Variants in TCF12 observed in about 807,000 individuals in gnomAD.
TCF12 encodes the protein transcription factor 12.
A neutral mutation model predicts 86.0 loss-of-function variants in TCF12; 45 were observed. The ratio of observed to expected loss-of-function variants is 0.52; its 90% CI spans 0.41 to 0.67. TCF12 has a LOEUF of 0.67. Among genes scored for constraint, TCF12 ranks in the 30% least tolerant of loss-of-function variants. TCF12 has a pLI of 0.00. For missense variants in TCF12, 881 were observed against 859.9 expected, an observed-to-expected ratio of 1.02 and a Z score of -0.31; for synonymous variants, 330 against 299.6, an observed-to-expected ratio of 1.10 and a Z score of -1.05.
chr15:57,147,118 AG>A (rs2053414839), intron 5 of TCF12, among the ~76,000 whole-genome samples: 1 of 152,238 alleles, frequency 6.6e-6, no homozygotes. Flanking sequence ...GGCCTTCCAA[AG>A]CAGTTCCTTA....
chr15:57,101,166 T>G (rs1252139698), intron 5 of TCF12, among the ~76,000 whole-genome samples: 2 of 151,990 alleles, frequency 1.3e-5, no homozygotes, highest in East Asian at 3.9e-4. Context: ...GATTTTAGAT[T>G]TTAGGGAGGC....
intron 8 of TCF12, among the ~76,000 whole-genome samples, chr15:57,207,353 A>G (rs2057876818): frequency 6.6e-6 from 1 of 151,976 alleles, no homozygotes; most frequent in South Asian, 2.1e-4. Flanking sequence ...TTTTGCTTTT[A>G]TGAGGCTAGT....
chr15:57,279,895 T>C (rs1467128310), intron 19 of TCF12, among the ~76,000 whole-genome samples: 3 of 149,030 alleles, frequency 2.0e-5, no homozygotes, highest in Non-Finnish European at 4.4e-5. Context: ...TTTTTTTTTT[T>C]TTTTTTTTTT....
chr15:57,115,772 A>G (rs1235319593), intron 5 of TCF12, among the ~76,000 whole-genome samples: 4 of 152,170 alleles, frequency 2.6e-5, no homozygotes, highest in African/African-American at 9.7e-5. Flanking sequence ...CGTGTGGTGT[A>G]CCATGGATGA....
At chr15:57,254,899 G>A (rs556080717) in intron 16 of TCF12, among the ~76,000 whole-genome samples, 8 of 149,332 alleles carry the variant, frequency 5.4e-5, no homozygotes, top group Non-Finnish European at 1.0e-4. Flanking sequence ...AAAAATATGA[G>A]AGGGTATTGT....
intron 12 of TCF12, among the ~76,000 whole-genome samples, chr15:57,239,273 C>A (rs956768059): frequency 6.6e-6 from 1 of 152,048 alleles, no homozygotes. Flanking sequence ...ATCGCTTGAA[C>A]CCAGGAAGCA....
intron 3 of TCF12, among the ~76,000 whole-genome samples, chr15:57,002,539 C>T (rs568315556): frequency 7.2e-5 from 11 of 152,264 alleles, no homozygotes; most frequent in Admixed American, 7.2e-4. Context: ...TTAATTGACT[C>T]CTTCTGTATT....
At chr15:57,127,906 G>C (rs2051790988) in intron 5 of TCF12, among the ~76,000 whole-genome samples, 1 of 152,116 alleles carries the variant, frequency 6.6e-6, no homozygotes, top group South Asian at 2.1e-4. Flanking sequence ...TTTAAATACT[G>C]TCCCTGGACA....
At chr15:57,158,337 C>T (rs2054268299) in intron 5 of TCF12, among the ~76,000 whole-genome samples, 1 of 151,948 alleles carries the variant, frequency 6.6e-6, no homozygotes, top group African/African-American at 2.4e-5. Context: ...TACCACCATG[C>T]CCAGATGATT....
chr15:57,155,133 C>T (rs1052398085), intron 5 of TCF12, among the ~76,000 whole-genome samples: 1 of 152,108 alleles, frequency 6.6e-6, no homozygotes, highest in Non-Finnish European at 1.5e-5. Flanking sequence ...CGTTCATTAC[C>T]ATTACCCCAT....
At chr15:57,233,803 A>C (rs1382352376) in intron 11 of TCF12, among the ~76,000 whole-genome samples, 1 of 152,118 alleles carries the variant, frequency 6.6e-6, no homozygotes, top group African/African-American at 2.4e-5. Context: ...TATATTTTTT[A>C]GTGTTGAATT....
chr15:56,938,562 G>C (rs2030485377), intron 3 of TCF12, among the ~76,000 whole-genome samples: 1 of 151,916 alleles, frequency 6.6e-6, no homozygotes. Context: ...CTGTCTTATG[G>C]AATAGTGTGA....
intron 5 of TCF12, among the ~76,000 whole-genome samples, chr15:57,104,435 CTTTTTT>C (rs71113062): frequency 9.3e-4 from 96 of 103,334 alleles, no homozygotes; most frequent in South Asian, 7.4e-3. Flanking sequence ...TTTTTTTTTT[CTTTTTT>C]TTTTTTTTTT....
intron 13 of TCF12, among the ~76,000 whole-genome samples, chr15:57,246,722 A>G (rs1393066269): frequency 3.9e-5 from 6 of 152,152 alleles, no homozygotes; most frequent in Non-Finnish European, 8.8e-5. Context: ...TACTGACACT[A>G]CATTGCATTA....
rs2062948427 is a variant in TCF12 at position 56,982,599 on chromosome 15, A to T, written c.148+61501A>T. On this transcript the variant is annotated intron_variant, in intron 3 of 20. Coordinates refer to ENST00000333725, the MANE Select transcript of TCF12 (RefSeq NM_207037.2). ...GTTGAACACATTGCTGCTTTAAACA[A>T]CATATTGTTACATTTTTTAAAAGAA... Among the ~76,000 whole-genome samples, 3 of 152,198 alleles carry T rather than the reference A, an allele frequency of 2.0e-5. No individual in the cohort carries two copies. In the South Asian group the frequency reaches 6.2e-4, roughly 31 times the overall value.
At chr15:57,249,320 C>A (rs189550672) in intron 13 of TCF12, among the ~76,000 whole-genome samples, 78 of 151,832 alleles carry the variant, frequency 5.1e-4, no homozygotes, top group South Asian at 2.1e-3. Flanking sequence ...TTTAGATTGT[C>A]CATAATTTGT....
At chr15:56,926,729 A>G (rs2060032665) in intron 3 of TCF12, among the ~76,000 whole-genome samples, 3 of 152,240 alleles carry the variant, frequency 2.0e-5, no homozygotes, top group South Asian at 4.1e-4. Flanking sequence ...GTTCAGATCC[A>G]GAAATTACCA....
intron 8 of TCF12, among the ~76,000 whole-genome samples, chr15:57,205,884 G>C (rs1364977716): frequency 6.6e-6 from 1 of 152,192 alleles, no homozygotes; most frequent in Non-Finnish European, 1.5e-5. Flanking sequence ...AGTAACCAGT[G>C]AGTGAGTCCT....
At chr15:57,036,380 TA>T (rs1300254694) in intron 3 of TCF12, among the ~76,000 whole-genome samples, 13 of 152,202 alleles carry the variant, frequency 8.5e-5, no homozygotes, top group Non-Finnish European at 1.5e-4. Flanking sequence ...TACCTAGAAG[TA>T]AAATTGCCAG....
Sources: gnomAD v4.1 joint callset for allele counts (sites outside exome capture counted in the v4.1 genomes callset) on GRCh38, gnomAD v4.1.1 for gene constraint, MANE v1.5 for transcripts, NCBI Gene and HGNC (gene_info 2026-07-23, HGNC 2026-07-21) for gene names.